TCF20: variants seen among roughly 807,000 people sequenced by gnomAD.
TCF20 encodes SPRE-binding protein.
In TCF20, 3 loss-of-function variants were observed where a neutral mutation model predicts 148.6. That is an observed-to-expected ratio of 0.02 (90% CI 0.01 to 0.05). TCF20 has a LOEUF of 0.05. TCF20 is among the 10% of genes least tolerant of loss of function. The pLI is 1.00. For missense variants in TCF20, 2,350 were observed against 2,429.3 expected (o/e 0.97, Z 0.69); for synonymous variants, 1,049 against 909.5 (o/e 1.15, Z -2.76).
Position 42,214,383 on chromosome 22 carries a change from C to A in TCF20, c.923G>T (p.Gly308Val). The A allele has an allele frequency of 6.2e-7, 1 of 1,613,498 alleles. No homozygotes were observed. The change falls in exon 2 of 6, where the codon GGG becomes GTG. Residue 308 changes from glycine (G) to valine (V), a missense_variant. By Grantham distance (109) the Gly-to-Val change is moderately radical. Transcript: ENST00000677622. ...CTGCTGCTGCTGCCCCTGTTGGGTC[C>A]CTTGTGGAATCTTTGCCTGTTCAAA... The part of the protein sequence containing the change: ...KNFEQAKIPQ[G>V]TQQGQQQQQP...
intron 1 of TCF20, among the ~76,000 whole-genome samples, chr22:42,268,950 A>T (rs1042694669): frequency 2.0e-5 from 3 of 152,218 alleles, no homozygotes; most frequent in African/African-American, 7.2e-5. Context: ...GCTAAAACAG[A>T]GCACAAAATG....
intron 1 of TCF20, among the ~76,000 whole-genome samples, chr22:42,246,709 T>C (rs1924940116): frequency 6.6e-6 from 1 of 152,178 alleles, no homozygotes; most frequent in African/African-American, 2.4e-5. Flanking sequence ...GGCTCACGCC[T>C]GTAATCCCAG....
intron 1 of TCF20, among the ~76,000 whole-genome samples, chr22:42,320,106 C>T (rs923242172): frequency 4.0e-5 from 6 of 151,196 alleles, no homozygotes; most frequent in African/African-American, 1.4e-4. Context: ...TTGAGACTGG[C>T]CCCCCTGACC....
chr22:42,164,057 G>A (rs1049279678), intron 5 of TCF20, among the ~76,000 whole-genome samples: 35 of 151,988 alleles, frequency 2.3e-4, no homozygotes, highest in Admixed American at 2.1e-3. Context: ...GCCAGGATTC[G>A]CCCAGAGCCC....
Position 42,290,601 on chromosome 22 carries a change from A to G in TCF20, c.-37+52878T>C, listed in dbSNP as rs942179509. On this transcript the variant is annotated intron_variant, in intron 1 of 1. Transcript: ENST00000515426. This position sits in a 1 kb window ranked among gnomAD's most constrained non-coding sequence, Gnocchi z 4.2. The stretch of plus-strand genomic sequence containing the variant: ...GAGCCAAGGGCAGGCTGGGAGGGAA[A>G]GGCTTCTGGTTTCTGGAGGGTACCA... Among the ~76,000 whole-genome samples, 1 of 152,072 alleles carries G rather than the reference A, an allele frequency of 6.6e-6. No homozygotes were observed. Among genetic ancestry groups the G allele is most frequent in the African/African-American group, 2.4e-5 (1 of 41,418 alleles).
intron 5 of TCF20, among the ~76,000 whole-genome samples, chr22:42,164,339 C>T (rs1329651872): frequency 4.6e-5 from 7 of 151,784 alleles, no homozygotes; most frequent in Admixed American, 2.0e-4. Flanking sequence ...CTCAGTCTCC[C>T]GAGTAGCTGG....
intron 3 of TCF20, among the ~76,000 whole-genome samples, chr22:42,172,853 G>A (rs1370643814): frequency 6.6e-6 from 1 of 152,198 alleles, no homozygotes; most frequent in Non-Finnish European, 1.5e-5. Context: ...ACAGGGGCCT[G>A]CCAGCCCCAC....
intron 5 of TCF20, among the ~76,000 whole-genome samples, chr22:42,167,629 G>T (rs1045440083): frequency 6.6e-6 from 1 of 152,168 alleles, no homozygotes; most frequent in Non-Finnish European, 1.5e-5. Context: ...GAGACCCCAA[G>T]TCCTATCATC....
At chr22:42,238,221 T>C (rs1168980945) in intron 1 of TCF20, among the ~76,000 whole-genome samples, 1 of 152,266 alleles carries the variant, frequency 6.6e-6, no homozygotes, top group African/African-American at 2.4e-5. Flanking sequence ...GTTACAGAGA[T>C]GGTTTCAAGA....
intron 2 of TCF20, among the ~76,000 whole-genome samples, chr22:42,199,336 G>A (rs959466684): frequency 6.6e-6 from 1 of 152,032 alleles, no homozygotes; most frequent in Non-Finnish European, 1.5e-5. Flanking sequence ...GCAGAGCGAC[G>A]ATTCCCACTT....
intron 2 of TCF20, among the ~76,000 whole-genome samples, chr22:42,192,379 T>C (rs1308157771): frequency 6.6e-6 from 1 of 152,224 alleles, no homozygotes; most frequent in Non-Finnish European, 1.5e-5. Flanking sequence ...CCTTTCTTCC[T>C]ACTTGCATTC....
chr22:42,283,606 A>G (rs1926960577), intron 1 of TCF20, among the ~76,000 whole-genome samples: 1 of 151,800 alleles, frequency 6.6e-6, no homozygotes, highest in Non-Finnish European at 1.5e-5. Context: ...TTTCAAAGCT[A>G]CAGCCGCCAC....
intron 2 of TCF20, among the ~76,000 whole-genome samples, chr22:42,199,532 T>C (rs923906977): frequency 1.3e-5 from 2 of 152,016 alleles, no homozygotes; most frequent in Admixed American, 6.6e-5. Flanking sequence ...AAATACAGTC[T>C]TGGTTTTTCA....
chr22:42,196,875 G>A (rs1472488843), intron 2 of TCF20, among the ~76,000 whole-genome samples: 2 of 152,180 alleles, frequency 1.3e-5, no homozygotes, highest in African/African-American at 2.4e-5. Context: ...GAGTTCGGCT[G>A]GAAATTTGTT....
intron 1 of TCF20, among the ~76,000 whole-genome samples, chr22:42,324,101 T>TGGC (rs1927816296): frequency 1.5e-5 from 1 of 67,496 alleles, no homozygotes; most frequent in Non-Finnish European, 3.2e-5. Context: ...ATGGAGGTTA[T>TGGC]GGTGGTGGTG....
chr22:42,204,072 T>G (rs1938221019), intron 2 of TCF20, among the ~76,000 whole-genome samples: 1 of 152,258 alleles, frequency 6.6e-6, no homozygotes, highest in African/African-American at 2.4e-5. Context: ...TTTCATAATG[T>G]AATCAATCTA....
rs932559596 is a variant in TCF20, at chr22:42,322,949, C to T, written c.-37+20530G>A. Among the ~76,000 whole-genome samples, 8 of 151,446 alleles carry T rather than the reference C, an allele frequency of 5.3e-5. No individual in the cohort carries two copies. In the East Asian group the frequency reaches 5.8e-4, roughly 11 times the overall value. On this transcript the variant is annotated intron_variant, in intron 1 of 1. Coordinates refer to the TCF20 transcript ENST00000515426. Reference sequence around the variant, plus strand: ...GAGATGGAGTTTCACTCTCGTTGCCCAGGCTGGAGTGCAATGGTGCGATCT... The same window carrying T: ...GAGATGGAGTTTCACTCTCGTTGCCTAGGCTGGAGTGCAATGGTGCGATCT...
chr22:42,170,626 C>CAAAAAAAAAAAAAAAAAAAAAAAAAAAA (rs58579686), intron 3 of TCF20, among the ~76,000 whole-genome samples: 1 of 72,100 alleles, frequency 1.4e-5, no homozygotes, highest in African/African-American at 6.1e-5. Flanking sequence ...GACTCCGTCT[C>CAAAAAAAAAAAAAAAAAAAAAAAAAAAA]AAAAAAAAAA....
chr22:42,222,895 G>A (rs1469684047), intron 1 of TCF20, among the ~76,000 whole-genome samples: 1 of 152,198 alleles, frequency 6.6e-6, no homozygotes, highest in Non-Finnish European at 1.5e-5. Context: ...GCTCACACCT[G>A]TAATCCCAGC....
Sources: allele counts gnomAD v4.1 joint callset (sites outside exome capture counted in the v4.1 genomes callset), GRCh38; gene constraint gnomAD v4.1.1; non-coding constraint Gnocchi (gnomAD v3.1); transcripts MANE v1.5; gene names NCBI Gene and HGNC (gene_info 2026-07-23, HGNC 2026-07-21).